Variants in CIMAP3 observed in about 807,000 individuals in gnomAD.
CIMAP3 encodes the protein ciliary microtubule-associated protein 3.
the CIMAP3 span, among the ~76,000 whole-genome samples, chr1:111,326,801 G>T: frequency 3.9e-5 from 6 of 152,010 alleles, no homozygotes; most frequent in African/African-American, 1.4e-4. Context: ...GGGTAAGATG[G>T]TATCTCATTG....
the CIMAP3 span, chr1:111,352,774 T>C: frequency 1.3e-5 from 2 of 152,256 alleles, no homozygotes; most frequent in African/African-American, 4.8e-5. Context: ...TAATGTTTTT[T>C]TTTCTGCTTC....
At chr1:111,341,301 A>G in the CIMAP3 span, among the ~76,000 whole-genome samples, 1 of 152,114 alleles carries the variant, frequency 6.6e-6, no homozygotes, top group African/African-American at 2.4e-5. Flanking sequence ...TGGCACATGT[A>G]TACATATGTA....
the CIMAP3 span, among the ~76,000 whole-genome samples, chr1:111,327,021 T>C: frequency 3.3e-5 from 5 of 152,162 alleles, no homozygotes; most frequent in African/African-American, 1.2e-4. Flanking sequence ...TCGCAAATAT[T>C]TTCTCCCATT....
At chr1:111,339,893 G>A in the CIMAP3 span, among the ~76,000 whole-genome samples, 11 of 151,246 alleles carry the variant, frequency 7.3e-5, no homozygotes, top group East Asian at 3.9e-4. Flanking sequence ...AGCCCGCATC[G>A]CCAAGTCAAT....
chr1:111,336,910 T>C, the CIMAP3 span, among the ~76,000 whole-genome samples: 6 of 151,340 alleles, frequency 4.0e-5, no homozygotes, highest in Non-Finnish European at 5.9e-5. Context: ...TTCACCAAAG[T>C]TGAAATGACG....
the CIMAP3 span, chr1:111,346,557 C>T: frequency 6.3e-7 from 1 of 1,594,536 alleles, no homozygotes; most frequent in Admixed American, 1.7e-5. Context: ...CGCTCGGGCC[C>T]TCTCCCCCTC....
chr1:111,327,027 C>T, the CIMAP3 span, among the ~76,000 whole-genome samples: 3 of 151,936 alleles, frequency 2.0e-5, no homozygotes, highest in African/African-American at 7.3e-5. Flanking sequence ...ATATTTTCTC[C>T]CATTCAACAG....
chr1:111,348,483 T>C, the CIMAP3 span: 2 of 1,568,930 alleles, frequency 1.3e-6, no homozygotes, highest in South Asian at 2.4e-5. Context: ...TACATATCAC[T>C]CTGTAACATA....
the CIMAP3 span, among the ~76,000 whole-genome samples, chr1:111,340,512 A>G: frequency 3.3e-5 from 5 of 151,986 alleles, no homozygotes; most frequent in African/African-American, 1.2e-4. Context: ...ATTTACAAGA[A>G]AAAAACAAAC....
the CIMAP3 span, chr1:111,349,783 T>C: frequency 9.7e-6 from 2 of 205,230 alleles, no homozygotes; most frequent in Non-Finnish European, 2.0e-5. Flanking sequence ...AATTCATCAC[T>C]GCTTTAGATC....
chr1:111,327,770 G>C, the CIMAP3 span, among the ~76,000 whole-genome samples: 1 of 151,628 alleles, frequency 6.6e-6, no homozygotes, highest in Non-Finnish European at 1.5e-5. Context: ...AGTCTAGCTA[G>C]TGGCCTATTT....
At chr1:111,348,446 A>G in the CIMAP3 span, 10 of 1,380,584 alleles carry the variant, frequency 7.2e-6, no homozygotes, top group Non-Finnish European at 9.6e-6. Context: ...TGTTTTTTCT[A>G]CCTGGAAGGC....
the CIMAP3 span, among the ~76,000 whole-genome samples, chr1:111,336,636 G>A: frequency 6.6e-6 from 1 of 152,116 alleles, no homozygotes; most frequent in Non-Finnish European, 1.5e-5. Flanking sequence ...AGTGAGAAGG[G>A]ACGTTTAGAG....
chr1:111,346,318 C>A, the CIMAP3 span: 1 of 231,928 alleles, frequency 4.3e-6, no homozygotes, highest in Non-Finnish European at 8.5e-6. Flanking sequence ...GACTTCGGGA[C>A]ATTCTGAACC....
chr1:111,346,732 TG>T, the CIMAP3 span: 2 of 1,589,030 alleles, frequency 1.3e-6, no homozygotes. Flanking sequence ...GTGGGGAAGC[TG>T]GGAAAGACGA....
At chr1:111,335,091 G>A in the CIMAP3 span, among the ~76,000 whole-genome samples, 121 of 116,982 alleles carry the variant, frequency 1.0e-3, 1 homozygote, top group African/African-American at 3.7e-3. Context: ...TTGGGTCATT[G>A]CACTCCAGCC....
At chr1:111,336,436 G>C in the CIMAP3 span, among the ~76,000 whole-genome samples, 5 of 152,140 alleles carry the variant, frequency 3.3e-5, no homozygotes, top group Admixed American at 2.6e-4. Flanking sequence ...AGGCAAAGAA[G>C]TTAAAAAATT....
At chr1:111,345,201 T>G in the CIMAP3 span, among the ~76,000 whole-genome samples, 1 of 152,326 alleles carries the variant, frequency 6.6e-6, no homozygotes, top group East Asian at 1.9e-4. Flanking sequence ...TCTTTACATT[T>G]TATTTACTAT....
At chr1:111,349,471 T>C in the CIMAP3 span, 1 of 152,368 alleles carries the variant, frequency 6.6e-6, no homozygotes, top group Non-Finnish European at 1.5e-5. Flanking sequence ...TATAGACTTG[T>C]AGGGCAAAAG....
Sources: gnomAD v4.1 joint callset for allele counts (sites outside exome capture counted in the v4.1 genomes callset) on GRCh38, gnomAD v4.1.1 for gene constraint, MANE v1.5 for transcripts, NCBI Gene and HGNC (gene_info 2026-07-23, HGNC 2026-07-21) for gene names.